The following CDH12 variants were observed in gnomAD, a reference collection of about 807,000 sequenced individuals.
CDH12 encodes the protein cadherin-12.
CDH12 carries 41 observed loss-of-function variants against 74.1 expected under a neutral mutation model. The observed-to-expected ratio is 0.55, with a 90% CI of 0.43 to 0.72. The LOEUF is 0.72. Ranked by LOEUF, CDH12 falls within the 30% of genes least tolerant of loss-of-function variation. The pLI, the probability that CDH12 is intolerant of heterozygous loss-of-function variation, is 0.00. For missense variants in CDH12, 945 were observed against 977.2 expected (o/e 0.97, Z 0.44); for synonymous variants, 399 against 355.0 (o/e 1.12, Z -1.39).
intron 2 of CDH12, among the ~76,000 whole-genome samples, chr5:22,413,238 T>C (rs1580621288): frequency 2.0e-5 from 3 of 151,902 alleles, no homozygotes; most frequent in South Asian, 4.1e-4. Flanking sequence ...GGAAAGACCA[T>C]CTCCCAGGGA....
At chr5:22,030,968 C>CT (rs1738777967) in intron 5 of CDH12, among the ~76,000 whole-genome samples, 1 of 152,170 alleles carries the variant, frequency 6.6e-6, no homozygotes, top group Admixed American at 6.5e-5. Flanking sequence ...TTCTCTGCAG[C>CT]TTCCTCATCT....
chr5:22,117,500 TA>T (rs1424513994), intron 4 of CDH12, among the ~76,000 whole-genome samples: 24 of 74,904 alleles, frequency 3.2e-4, no homozygotes, highest in Non-Finnish European at 4.6e-4. Flanking sequence ...TATATATATA[TA>T]ATATATATAT....
intron 1 of CDH12, among the ~76,000 whole-genome samples, chr5:22,671,861 G>A (rs1740915415): frequency 6.6e-6 from 1 of 150,690 alleles, no homozygotes; most frequent in Non-Finnish European, 1.5e-5. Context: ...TTCCTTTTTG[G>A]GGGTGGGGTA....
chr5:22,561,432 A>C (rs1739039494), intron 1 of CDH12, among the ~76,000 whole-genome samples: 1 of 152,170 alleles, frequency 6.6e-6, no homozygotes, highest in Admixed American at 6.5e-5. Flanking sequence ...AAATAATTAT[A>C]ATTGCATATA....
At chr5:22,473,833 T>C (rs946486737) in intron 2 of CDH12, among the ~76,000 whole-genome samples, 1 of 152,136 alleles carries the variant, frequency 6.6e-6, no homozygotes, top group African/African-American at 2.4e-5. Context: ...GACTGACATT[T>C]CTCAGTGTCA....
intron 1 of CDH12, among the ~76,000 whole-genome samples, chr5:22,823,522 C>T (rs913942357): frequency 1.3e-5 from 2 of 152,120 alleles, no homozygotes; most frequent in African/African-American, 4.8e-5. Flanking sequence ...CATTAAACAT[C>T]TTTCCTTTGT....
intron 6 of CDH12, among the ~76,000 whole-genome samples, chr5:21,940,935 A>G (rs1414743387): frequency 6.6e-6 from 1 of 152,166 alleles, no homozygotes; most frequent in Non-Finnish European, 1.5e-5. Flanking sequence ...ATCTGAGATT[A>G]TAACATAAAA....
At chr5:22,036,522 T>C (rs149506157) in intron 5 of CDH12, among the ~76,000 whole-genome samples, 5 of 152,262 alleles carry the variant, frequency 3.3e-5, no homozygotes, top group African/African-American at 7.2e-5. Context: ...AAATCTGTCA[T>C]TGGGCTCAGT....
chr5:22,036,852 CT>C (rs1402971112), intron 5 of CDH12, among the ~76,000 whole-genome samples: 3 of 152,144 alleles, frequency 2.0e-5, no homozygotes, highest in African/African-American at 7.2e-5. Context: ...ATTTAGATAA[CT>C]CATTTCCTTG....
chr5:22,592,894 G>A (rs979091038), intron 1 of CDH12, among the ~76,000 whole-genome samples: 13 of 151,844 alleles, frequency 8.6e-5, no homozygotes, highest in African/African-American at 3.1e-4. Flanking sequence ...GCCAGGTGTG[G>A]TGGCATGCGC....
rs116346938 is a variant in CDH12 at position 22,479,168 on chromosome 5, G to A, written c.-428+26102C>T. 3.0e-3 allele frequency among the ~76,000 whole-genome samples: 450 copies of A among 152,324 alleles called. 2 individuals carry two copies. The highest frequency in any genetic ancestry group is 0.01 in the African/African-American group (425 of 41,574). On this transcript the variant is annotated intron_variant, in intron 2 of 14. Coordinates refer to ENST00000382254, the MANE Select transcript of CDH12 (RefSeq NM_004061.5). Reference sequence around the variant, plus strand: ...TTATCATCAACATTTTCTTGTTTCAGATAAAACTGCTGAAGATAATAAGAT... The same window carrying A: ...TTATCATCAACATTTTCTTGTTTCAAATAAAACTGCTGAAGATAATAAGAT...
chr5:21,846,934 C>G (rs1435064620), intron 7 of CDH12, among the ~76,000 whole-genome samples: 1 of 152,102 alleles, frequency 6.6e-6, no homozygotes, highest in Non-Finnish European at 1.5e-5. Flanking sequence ...ACTATATGAA[C>G]TCACGGGACT....
intron 6 of CDH12, among the ~76,000 whole-genome samples, chr5:21,856,513 T>C (rs1199025882): frequency 1.3e-5 from 2 of 151,802 alleles, no homozygotes; most frequent in Non-Finnish European, 2.9e-5. Context: ...ATAAGAAATA[T>C]TTAGTGAAAA....
At chr5:22,806,646 G>C (rs368103657) in intron 1 of CDH12, among the ~76,000 whole-genome samples, 1 of 151,958 alleles carries the variant, frequency 6.6e-6, no homozygotes, top group Non-Finnish European at 1.5e-5. Flanking sequence ...GAGCCACCGC[G>C]CCCGGCCTAA....
At chr5:22,693,742 G>T (rs117474879) in intron 1 of CDH12, among the ~76,000 whole-genome samples, 1 of 123,114 alleles carries the variant, frequency 8.1e-6, no homozygotes, top group Non-Finnish European at 1.6e-5. Context: ...TTTACCAATT[G>T]AAATGTTTAT....
At chr5:22,513,661 A>G (rs976082037) in intron 1 of CDH12, among the ~76,000 whole-genome samples, 1 of 152,146 alleles carries the variant, frequency 6.6e-6, no homozygotes, top group African/African-American at 2.4e-5. Context: ...AGAATGCACA[A>G]CACAGGCCAG....
chr5:22,484,636 T>C (rs531065403), intron 2 of CDH12, among the ~76,000 whole-genome samples: 1 of 152,166 alleles, frequency 6.6e-6, no homozygotes, highest in South Asian at 2.1e-4. Context: ...TAACAATATA[T>C]GTACTAAATC....
chr5:21,938,208 G>A (rs995651625), intron 6 of CDH12, among the ~76,000 whole-genome samples: 1 of 151,872 alleles, frequency 6.6e-6, no homozygotes, highest in Non-Finnish European at 1.5e-5. Context: ...GAGTAGTTAA[G>A]CTCCTGATGG....
rs1390394688 is a variant in CDH12 at position 21,811,216 on chromosome 5, CTAAA to C, written c.1002+5725_1002+5728del. Reference sequence around the variant, plus strand: ...CAAAAAAGGTTTACTTTTAAAAAAACTAAATAGGAAATAACTTCACCACTCTTCA... The same window carrying C: ...CAAAAAAGGTTTACTTTTAAAAAAACTAGGAAATAACTTCACCACTCTTCA... On this transcript the variant is annotated intron_variant, in intron 9 of 14. Transcript: ENST00000382254. Among the ~76,000 whole-genome samples, 7 of 151,998 alleles carry C rather than the reference CTAAA, an allele frequency of 4.6e-5. No individual in the cohort carries two copies. The East Asian group carries it at 1.4e-3, about 29-fold the overall frequency.
Sources: allele counts gnomAD v4.1 joint callset (sites outside exome capture counted in the v4.1 genomes callset), GRCh38; gene constraint gnomAD v4.1.1; transcripts MANE v1.5; gene names NCBI Gene and HGNC (gene_info 2026-07-23, HGNC 2026-07-21).